Variants in ANK2 observed in about 807,000 individuals in gnomAD.
The protein encoded by ANK2 is ankyrin 2.
Under a neutral mutation model 360.5 loss-of-function variants are expected in ANK2, and 83 were observed. The ratio of observed to expected loss-of-function variants is 0.23; its 90% confidence interval spans 0.19 to 0.28. ANK2 has a LOEUF of 0.28. Among genes scored for constraint, ANK2 ranks in the 10% least tolerant of loss-of-function variants. ANK2 has a pLI of 1.00. For missense variants in ANK2, 4,201 were observed against 4,795.7 expected (o/e 0.88, Z 3.66); for synonymous variants, 1,740 against 1,759.5 (o/e 0.99, Z 0.28).
At chr4:112,849,918 G>A (rs1291608763) in intron 1 of ANK2, among the ~76,000 whole-genome samples, 1 of 152,170 alleles carries the variant, frequency 6.6e-6, no homozygotes, top group African/African-American at 2.4e-5. Flanking sequence ...ACCAATATCG[G>A]CGGGCATCCT....
At chr4:112,775,545 A>ACACACACACACACACAC in the ANK2 span, among the ~76,000 whole-genome samples, 26 of 151,004 alleles carry the variant, frequency 1.7e-4, no homozygotes, top group South Asian at 8.4e-4. Flanking sequence ...ACACACACAC[A>ACACACACACACACACAC]AGAAAAAAAA....
the ANK2 span, among the ~76,000 whole-genome samples, chr4:112,782,314 T>C: frequency 6.6e-6 from 1 of 152,206 alleles, no homozygotes; most frequent in Admixed American, 6.5e-5. Flanking sequence ...TACTATTCTC[T>C]CTACTTTTGT....
At chr4:113,078,744 C>G (rs973383448) in intron 1 of ANK2, among the ~76,000 whole-genome samples, 5 of 152,162 alleles carry the variant, frequency 3.3e-5, no homozygotes, top group African/African-American at 9.7e-5. Flanking sequence ...CTGCTCACCA[C>G]TTTATAACGT....
chr4:112,809,575 C>A, the ANK2 span, among the ~76,000 whole-genome samples: 6 of 124,040 alleles, frequency 4.8e-5, no homozygotes, highest in Non-Finnish European at 8.2e-5. Flanking sequence ...AAAAATAAAT[C>A]AATAAAAATA....
At chr4:112,924,398 G>GA (rs1313321894) in intron 2 of ANK2, among the ~76,000 whole-genome samples, 28 of 150,478 alleles carry the variant, frequency 1.9e-4, no homozygotes, top group African/African-American at 4.9e-5. Flanking sequence ...CAGAAAAAAA[G>GA]AAAAAAAAGA....
the ANK2 span, among the ~76,000 whole-genome samples, chr4:112,775,635 T>C: frequency 6.6e-6 from 1 of 151,452 alleles, no homozygotes; most frequent in South Asian, 2.1e-4. Context: ...GGTAGGAAAA[T>C]GGGCAGGTTG....
At chr4:112,981,894 A>G (rs1326545036) in intron 2 of ANK2, among the ~76,000 whole-genome samples, 19 of 152,192 alleles carry the variant, frequency 1.2e-4, no homozygotes, top group Admixed American at 1.2e-3. Context: ...ATATTAATTC[A>G]ACAATCATAA....
intron 39 of ANK2, among the ~76,000 whole-genome samples, chr4:113,362,631 G>A (rs1455013750): frequency 6.6e-6 from 1 of 152,042 alleles, no homozygotes; most frequent in African/African-American, 2.4e-5. Flanking sequence ...ATTATTTTTT[G>A]TAGAAATGAG....
chr4:113,171,299 G>T (rs532603923), intron 1 of ANK2, among the ~76,000 whole-genome samples: 1 of 152,118 alleles, frequency 6.6e-6, no homozygotes, highest in Non-Finnish European at 1.5e-5. Context: ...TATCCAAAGC[G>T]CTTGTGTCAA....
rs117650468 is a variant in ANK2 at position 113,164,663 on chromosome 4, G to A, written c.85-9753G>A. On this transcript the variant is annotated intron_variant, in intron 1 of 45. Coordinates refer to ENST00000357077, the MANE Select transcript of ANK2 (RefSeq NM_001148.6). ...AGAGTAAATTAACACTATAAGATGC[G>A]GATGCGTAGCATAATGAAAAATTGA... 1.1e-3 allele frequency among the ~76,000 whole-genome samples: 164 copies of A among 152,284 alleles called. 5 individuals carry two copies. In the East Asian group the frequency reaches 0.03, roughly 28 times the overall value.
chr4:112,999,171 GA>G (rs1445676594), intron 2 of ANK2, among the ~76,000 whole-genome samples: 1 of 152,064 alleles, frequency 6.6e-6, no homozygotes, highest in Non-Finnish European at 1.5e-5. Context: ...CTGCAATACA[GA>G]CAGATGCTAA....
intron 24 of ANK2, 42 bp downstream of exon 24, chr4:113,311,441 T>A (rs779306649): frequency 1.9e-6 from 3 of 1,608,762 alleles, no homozygotes; most frequent in Non-Finnish European, 2.6e-6. Context: ...CAGAAGTATG[T>A]GCAACATATT....
chr4:112,849,395 G>A (rs1330143992), intron 1 of ANK2, among the ~76,000 whole-genome samples: 1 of 151,828 alleles, frequency 6.6e-6, no homozygotes, highest in Non-Finnish European at 1.5e-5. Flanking sequence ...CTTTTCTTGT[G>A]TCCACTTCAA....
intron 1 of ANK2, among the ~76,000 whole-genome samples, chr4:112,856,351 A>G (rs776822489): frequency 2.6e-5 from 4 of 152,166 alleles, no homozygotes; most frequent in Admixed American, 6.6e-5. Context: ...ATAGTTCCCA[A>G]TGTCTTACAA....
At chr4:113,075,521 T>A (rs1342774787) in intron 1 of ANK2, among the ~76,000 whole-genome samples, 2 of 152,152 alleles carry the variant, frequency 1.3e-5, no homozygotes, top group African/African-American at 4.8e-5. Context: ...CTCTGCCATC[T>A]CATTGCACAC....
chr4:113,049,543 G>A (rs867255828), upstream of ANK2: 1 of 1,159,190 alleles, frequency 8.6e-7, no homozygotes, highest in Middle Eastern at 2.9e-4. Flanking sequence ...ATTTAACAAT[G>A]CAGTCAGATA....
In ANK2 at chr4:113,150,445, A is replaced by C. The variant is rs185790370; in HGVS notation, c.85-23971A>C. ...TGCCAGTGGAGAAGGTGGAGCCTGA[A>C]GCAGATCTTGGGAGCAAAATACAAT... On this transcript the variant is annotated intron_variant, in intron 1 of 45. Coordinates refer to ENST00000357077, the MANE Select transcript of ANK2 (RefSeq NM_001148.6). Among the ~76,000 whole-genome samples, 225 of 152,328 alleles carry C rather than the reference A, an allele frequency of 1.5e-3. 2 individuals are homozygous for C. Among genetic ancestry groups the C allele is most frequent in the African/African-American group, 5.2e-3 (218 of 41,574 alleles).
intron 2 of ANK2, among the ~76,000 whole-genome samples, chr4:112,989,924 A>ATTTTT (rs1561432769): frequency 6.6e-6 from 1 of 152,202 alleles, no homozygotes; most frequent in East Asian, 1.9e-4. Flanking sequence ...CTCAATAGGA[A>ATTTTT]TTGTTGAAAT....
At position 113,341,926 on chromosome 4, in the gene ANK2, C is replaced by A; in HGVS notation, c.4122+10C>A. ...AAGCAGGGATGTGGAGGTACTGTAC[C>A]AAAAATAATAATAATAATTTATGCC... On this transcript the variant is annotated intron_variant, in intron 33 of 45. Coordinates refer to ENST00000357077, the MANE Select transcript of ANK2 (RefSeq NM_001148.6). The A allele has an allele frequency of 6.4e-7, 1 of 1,574,272 alleles. No homozygotes were observed. The highest frequency in any genetic ancestry group is 8.7e-7 in the Non-Finnish European group (1 of 1,147,730).
Sources: allele counts gnomAD v4.1 joint callset (sites outside exome capture counted in the v4.1 genomes callset), GRCh38; gene constraint gnomAD v4.1.1; transcripts MANE v1.5; gene names NCBI Gene and HGNC (gene_info 2026-07-23, HGNC 2026-07-21).